IL6ST: variants seen among roughly 807,000 people sequenced by gnomAD.
The protein encoded by IL6ST is interleukin-6 receptor subunit beta.
A neutral mutation model predicts 91.3 loss-of-function variants in IL6ST; 24 were observed. That is an observed-to-expected ratio of 0.26 (90% CI 0.19 to 0.37). IL6ST has a LOEUF of 0.37. Ranked by LOEUF, IL6ST falls within the 10% of genes least tolerant of loss-of-function variation. IL6ST has a pLI of 1.00. For synonymous variants in IL6ST, 351 were observed against 373.6 expected (o/e 0.94, Z 0.70); for missense variants, 914 against 1,078.5 (o/e 0.85, Z 2.14).
chr5:55,941,265 T>G lies in IL6ST; in HGVS notation c.2574A>C (p.Gln858His), dbSNP rs202126084. ...LKQQISDHIS[Q>H]SCGSGQMKMF... ...TTTTCATTTGCCCAGATCCACAGGA[T>G]TGTGAAATATGATCTGAAATCTGCT... The change falls in exon 17 of 17, where the codon CAA (glutamine) becomes CAC (histidine). Residue 858 changes from glutamine to histidine, a missense_variant. Gln to His is a conservative substitution (Grantham distance 24, BLOSUM62 0). Transcript: ENST00000381298. 6.2e-7 allele frequency: 1 copy of G among 1,614,090 alleles called. No homozygotes were observed. Among genetic ancestry groups the G allele is most frequent in the African/African-American group, 1.3e-5 (1 of 75,026 alleles).
At chr5:55,967,309 CAAAAAAAAAAAAAAAAAAAA>C (rs60547666) in intron 5 of IL6ST, among the ~76,000 whole-genome samples, 2 of 31,904 alleles carry the variant, frequency 6.3e-5, no homozygotes, top group African/African-American at 3.7e-4. Context: ...GACTCCATCT[CAAAAAAAAAAAAAAAAAAAA>C]AAAAAAAAAA....
chr5:55,973,821 G>A (rs1753106753), intron 3 of IL6ST, among the ~76,000 whole-genome samples: 1 of 152,140 alleles, frequency 6.6e-6, no homozygotes. Flanking sequence ...AACAACTTGG[G>A]AAAAGACAGA....
At chr5:55,953,988 AT>A (rs759513856) in intron 11 of IL6ST, among the ~76,000 whole-genome samples, 49 of 151,418 alleles carry the variant, frequency 3.2e-4, no homozygotes, top group Non-Finnish European at 4.6e-4. Context: ...CCCTGTATTT[AT>A]TTTTTTTTAA....
In IL6ST at chr5:55,941,159, C is replaced by G; in HGVS notation, c.2680G>C (p.Glu894Gln). ...QVERFETVGM[E>Q]AATDEGMPKS... ...GGCATGCCTTCATCAGTCGCAGCCT[C>G]CATGCCAACTGTTTCAAATCTTTCT... The change falls in exon 17 of 17, where the codon GAG becomes CAG. Residue 894 changes from glutamate to glutamine, a missense_variant. Physicochemically the swap from Glu to Gln is conservative, Grantham distance 29 (BLOSUM62 2). Transcript: ENST00000381298. 1 of 1,614,060 alleles carries G rather than the reference C, an allele frequency of 6.2e-7. No individual in the cohort carries two copies. The highest frequency in any genetic ancestry group is 8.5e-7 in the Non-Finnish European group (1 of 1,179,918).
At chr5:55,989,235 TACAAA>T (rs1754176680) in intron 1 of IL6ST, among the ~76,000 whole-genome samples, 1 of 151,056 alleles carries the variant, frequency 6.6e-6, no homozygotes, top group African/African-American at 2.4e-5. Context: ...AAATCAATGG[TACAAA>T]ACAAAACACA....
chr5:55,941,092 A>T lies in IL6ST; in HGVS notation c.2747T>A (p.Met916Lys). The T allele has an allele frequency of 6.2e-7, 1 of 1,610,950 alleles. No homozygotes were observed. The highest frequency in any genetic ancestry group is 8.5e-7 in the Non-Finnish European group (1 of 1,178,046). ...LPQTVRQGGY[M>K]PQ ...GGAACTACTAGTCCTTCACTGAGGC[A>T]TGTAGCCGCCTTGCCGTACAGTCTG... Residue 916 changes from methionine to lysine, a missense_variant, in exon 17 of 17, where the codon ATG becomes AAG. By Grantham distance (95) the Met-to-Lys change is moderately conservative. Transcript: ENST00000381298.
At chr5:55,989,154 C>A (rs1263321906) in intron 1 of IL6ST, among the ~76,000 whole-genome samples, 7 of 115,562 alleles carry the variant, frequency 6.1e-5, no homozygotes, top group African/African-American at 2.0e-4. Context: ...AAAAGTCTCG[C>A]AGAAAAAAAA....
At position 55,936,599 on chromosome 5, in the gene IL6ST, C is replaced by A. The variant is rs1750549402; in HGVS notation, c.*4483G>T. On this transcript the variant is annotated 3_prime_UTR_variant, in exon 17 of 17. Transcript: ENST00000381298. ...TAGCTAACACCACTAATGATAAATG[C>A]TGTTACAAATATGCATAGTCAGATG... 5.0e-6 allele frequency: 1 copy of A among 198,328 alleles called. No homozygotes were observed. The highest frequency in any genetic ancestry group is 6.1e-5 in the Admixed American group (1 of 16,528). 12.3% of individuals were successfully genotyped at this position (198,328 alleles called of 1,614,324 possible).
At chr5:55,953,525 G>A (rs1751771091) in intron 11 of IL6ST, among the ~76,000 whole-genome samples, 1 of 152,128 alleles carries the variant, frequency 6.6e-6, no homozygotes, top group African/African-American at 2.4e-5. Context: ...AAATGGCTGG[G>A]ATTACAGGCA....
Position 55,941,664 on chromosome 5 carries a change from G to A in IL6ST, c.2175C>T (p.Ser725=), listed in dbSNP as rs140896990. 117 of 1,613,982 alleles carry A rather than the reference G, an allele frequency of 7.2e-5. No homozygotes were observed. Among genetic ancestry groups the A allele is most frequent in the Non-Finnish European group, 9.7e-5 (114 of 1,180,012 alleles). Residue 725 remains serine (S), a synonymous_variant, in exon 17 of 17, where the codon AGC becomes AGT. Coordinates refer to ENST00000381298, the MANE Select transcript of IL6ST (RefSeq NM_002184.4). ...TGCATGAAGACCCCCCAATACCACT[G>A]CTGTGTCCTTCAGTATTAATTTTTT... ...KKEKINTEGH[S]SGIGGSSCMS...
intron 11 of IL6ST, among the ~76,000 whole-genome samples, chr5:55,953,681 G>A (rs932909926): frequency 7.9e-5 from 12 of 152,162 alleles, no homozygotes; most frequent in African/African-American, 2.2e-4. Flanking sequence ...CCACCGCATC[G>A]GCTGCTGCTT....
Position 55,968,348 on chromosome 5 carries a change from T to C in IL6ST, c.419A>G (p.Lys140Arg). The C allele has an allele frequency of 6.2e-7, 1 of 1,610,472 alleles. No individual in the cohort carries two copies. The highest frequency in any genetic ancestry group is 8.5e-7 in the Non-Finnish European group (1 of 1,178,728). The change falls in exon 5 of 17, where the codon AAG becomes AGG. Residue 140 changes from lysine to arginine, a missense_variant. Coordinates refer to ENST00000381298, the MANE Select transcript of IL6ST (RefSeq NM_002184.4). ...KNLSCIVNEG[K>R]KMRCEWDGGR... ...ACCATCCCACTCACACCTCATTTTC[T>C]TCCCCTCGTTCACAATGCAACTCAA...
chr5:55,956,992 T>A (rs1297898069), intron 9 of IL6ST, among the ~76,000 whole-genome samples: 1 of 152,052 alleles, frequency 6.6e-6, no homozygotes, highest in African/African-American at 2.4e-5. Context: ...ACCCTGTCTC[T>A]GCTAAAAATA....
intron 7 of IL6ST, among the ~76,000 whole-genome samples, chr5:55,962,827 T>C (rs1752400544): frequency 6.6e-6 from 1 of 152,130 alleles, no homozygotes; most frequent in Non-Finnish European, 1.5e-5. Context: ...AAAAATGCCA[T>C]TTCTAGGCTG....
intron 1 of IL6ST, among the ~76,000 whole-genome samples, chr5:55,990,909 G>A (rs990184584): frequency 3.2e-5 from 4 of 123,534 alleles, no homozygotes; most frequent in African/African-American, 1.3e-4. Context: ...CCCATGACAG[G>A]CCCTGGTGTG....
intron 14 of IL6ST, 32 bp from the exon 15 acceptor site, chr5:55,947,621 G>GGT: frequency 9.5e-7 from 1 of 1,053,222 alleles, no homozygotes; most frequent in Non-Finnish European, 1.4e-6. Context: ...AAAAAAAGAG[G>GGT]TGTGATGGGA....
chr5:55,963,454 A>G lies in IL6ST; in HGVS notation c.711T>C (p.Ser237=). The G allele has an allele frequency of 6.2e-7, 1 of 1,607,904 alleles. No individual in the cohort carries two copies. Among genetic ancestry groups the G allele is most frequent in the South Asian group, 1.1e-5 (1 of 90,868 alleles). Residue 237 remains serine (S), a synonymous_variant, in exon 7 of 17, where the codon TCT becomes TCC. Transcript: ENST00000381298. ...NLSVINSEEL[S]SILKLTWTNP... The stretch of plus-strand genomic sequence containing the variant: ...TGGTCCATGTCAATTTTAAGATACT[A>G]GACAGTTCCTCTGAGTTGATCACTG...
chr5:55,946,799 G>C (rs1346368782), intron 15 of IL6ST, among the ~76,000 whole-genome samples: 1 of 150,204 alleles, frequency 6.7e-6, no homozygotes. Flanking sequence ...TAAGGGAACA[G>C]AGTGAGACTC....
rs1751360827 is a variant in IL6ST at position 55,947,682 on chromosome 5, A to G, written c.1841-93T>C. ...AGACATAATACAACTTCCCAACCAG[A>G]CTTACTGTTGAAAAGATAAAATACA... On this transcript the variant is annotated intron_variant, in intron 14 of 16. Transcript: ENST00000381298. The G allele has an allele frequency of 4.2e-6, 3 of 707,608 alleles. No individual in the cohort carries two copies. In the South Asian group the frequency reaches 5.6e-5, roughly 13 times the overall value. The allele number at this position is 707,608 out of a possible 1,614,324, so 43.8% of individuals were successfully genotyped here.
Sources: allele counts gnomAD v4.1 joint callset (sites outside exome capture counted in the v4.1 genomes callset), GRCh38; gene constraint gnomAD v4.1.1; transcripts MANE v1.5; gene names NCBI Gene and HGNC (gene_info 2026-07-23, HGNC 2026-07-21).